SNTG1: variants seen among roughly 807,000 people sequenced by gnomAD.
SNTG1 encodes the protein syntrophin gamma 1, also known as gamma-1-syntrophin.
In SNTG1, 39 loss-of-function variants were observed where a neutral mutation model predicts 74.7. That is an observed-to-expected ratio of 0.52 (90% CI 0.40 to 0.68). SNTG1 has a LOEUF of 0.68. Ranked by LOEUF, SNTG1 falls within the 30% of genes least tolerant of loss-of-function variation. The pLI is 0.00. For missense variants in SNTG1, 685 were observed against 609.5 expected, an observed-to-expected ratio of 1.12 and a Z score of -1.30; for synonymous variants, 254 against 217.1, an observed-to-expected ratio of 1.17 and a Z score of -1.49.
At chr8:50,228,327 T>A (rs1162849846) in intron 2 of SNTG1, among the ~76,000 whole-genome samples, 3 of 151,982 alleles carry the variant, frequency 2.0e-5, no homozygotes, top group Non-Finnish European at 4.4e-5. Context: ...GTATGTGGAC[T>A]ACCTTACAAA....
chr8:50,002,985 G>A (rs1014157708), intron 1 of SNTG1, among the ~76,000 whole-genome samples: 2 of 152,150 alleles, frequency 1.3e-5, no homozygotes, highest in South Asian at 4.1e-4. Context: ...CTAAGTGAAA[G>A]AAGCAAGTCA....
intron 8 of SNTG1, among the ~76,000 whole-genome samples, chr8:50,457,707 C>T (rs544595814): frequency 1.3e-5 from 2 of 152,134 alleles, no homozygotes; most frequent in Non-Finnish European, 2.9e-5. Flanking sequence ...GCCAAAGCCG[C>T]CATCCAGCAA....
intron 2 of SNTG1, among the ~76,000 whole-genome samples, chr8:50,270,284 C>A (rs1167842769): frequency 6.6e-6 from 1 of 152,040 alleles, no homozygotes; most frequent in Non-Finnish European, 1.5e-5. Context: ...TGGGGCCACA[C>A]AGAGATGAAA....
chr8:50,204,358 AATT>A (rs1489613889), intron 2 of SNTG1, among the ~76,000 whole-genome samples: 1 of 152,064 alleles, frequency 6.6e-6, no homozygotes, highest in Non-Finnish European at 1.5e-5. Flanking sequence ...TCTGGGCATG[AATT>A]ATGTTCCAAG....
At chr8:50,102,698 A>G (rs1433422249) in intron 1 of SNTG1, among the ~76,000 whole-genome samples, 3 of 151,192 alleles carry the variant, frequency 2.0e-5, no homozygotes, top group African/African-American at 7.4e-5. Flanking sequence ...TTTAGGTCTA[A>G]CGTTTAAATC....
At chr8:50,229,588 G>A (rs1196006401) in intron 2 of SNTG1, among the ~76,000 whole-genome samples, 1 of 151,408 alleles carries the variant, frequency 6.6e-6, no homozygotes, top group Non-Finnish European at 1.5e-5. Flanking sequence ...AAATTTGTGA[G>A]GCAAAACTTG....
chr8:50,526,318 G>A (rs963183815), intron 9 of SNTG1, among the ~76,000 whole-genome samples: 3 of 152,114 alleles, frequency 2.0e-5, no homozygotes, highest in Admixed American at 2.0e-4. Flanking sequence ...TTCCACTCTA[G>A]AGAGTGGCTG....
intron 1 of SNTG1, among the ~76,000 whole-genome samples, chr8:49,979,294 C>T (rs2130104289): frequency 6.6e-6 from 1 of 152,280 alleles, no homozygotes; most frequent in East Asian, 1.9e-4. Flanking sequence ...CCGCCGCCTG[C>T]CCCGCGCCAC....
chr8:50,320,574 A>T (rs1198874782), intron 2 of SNTG1, among the ~76,000 whole-genome samples: 3 of 150,146 alleles, frequency 2.0e-5, no homozygotes. Flanking sequence ...TGTTCTGTTG[A>T]CATTTCTAGT....
intron 1 of SNTG1, among the ~76,000 whole-genome samples, chr8:50,073,916 G>C (rs1177101193): frequency 6.7e-6 from 1 of 149,804 alleles, no homozygotes; most frequent in East Asian, 1.9e-4. Flanking sequence ...GTCCGGCTTT[G>C]TTGTTCCATT....
chr8:50,573,046 T>A (rs1263168341), intron 12 of SNTG1, among the ~76,000 whole-genome samples: 1 of 152,080 alleles, frequency 6.6e-6, no homozygotes, highest in Admixed American at 6.5e-5. Flanking sequence ...AATTAAAAAA[T>A]TGGTATCGTT....
At chr8:50,742,895 A>C (rs539223237) in intron 17 of SNTG1, among the ~76,000 whole-genome samples, 10 of 151,898 alleles carry the variant, frequency 6.6e-5, no homozygotes, top group Non-Finnish European at 1.5e-4. Flanking sequence ...TTTTATGAGC[A>C]ATTGCATTTC....
Position 49,948,008 on chromosome 8 carries a change from A to G in SNTG1, c.-103+35777A>G, listed in dbSNP as rs570289233. The stretch of plus-strand genomic sequence containing the variant: ...TAGCTGGTTATGGTGTCAGGAGCCT[A>G]TAATCCCAGTTACTCAGGAAACTGA... On this transcript the variant is annotated intron_variant, in intron 1 of 18. Coordinates refer to ENST00000642720, the MANE Select transcript of SNTG1 (RefSeq NM_018967.5). 4.6e-5 allele frequency among the ~76,000 whole-genome samples: 7 copies of G among 152,148 alleles called. No individual in the cohort carries two copies. The East Asian group carries it at 1.4e-3, about 30-fold the overall frequency.
At chr8:50,702,005 C>G (rs2095427762) in intron 15 of SNTG1, among the ~76,000 whole-genome samples, 1 of 151,864 alleles carries the variant, frequency 6.6e-6, no homozygotes, top group Non-Finnish European at 1.5e-5. Flanking sequence ...GATGCACCAC[C>G]ATGTCCGGCT....
At chr8:50,436,036 CTGACCGAGTTTTCCTCATGGCCAATTAT>C (rs2093298778) in intron 4 of SNTG1, among the ~76,000 whole-genome samples, 2 of 152,150 alleles carry the variant, frequency 1.3e-5, no homozygotes, top group Non-Finnish European at 2.9e-5. Context: ...GCAGCAATTA[CTGACCGAGTTTTCCTCATGGCCAATTAT>C]TGCTAGGCAA....
At chr8:50,216,565 T>G (rs1178936193) in intron 2 of SNTG1, among the ~76,000 whole-genome samples, 1 of 152,146 alleles carries the variant, frequency 6.6e-6, no homozygotes, top group Non-Finnish European at 1.5e-5. Context: ...TATAAATTAC[T>G]TAGACAAATT....
intron 1 of SNTG1, among the ~76,000 whole-genome samples, chr8:50,042,841 C>T (rs1818757629): frequency 6.6e-6 from 1 of 152,056 alleles, no homozygotes; most frequent in South Asian, 2.1e-4. Flanking sequence ...TAGTGATCCT[C>T]CCACCTTAGC....
At chr8:49,948,073 G>A (rs1809368004) in intron 1 of SNTG1, among the ~76,000 whole-genome samples, 1 of 152,142 alleles carries the variant, frequency 6.6e-6, no homozygotes, top group Non-Finnish European at 1.5e-5. Context: ...AGAGGTTGCA[G>A]TGAGCTGAGA....
intron 2 of SNTG1, among the ~76,000 whole-genome samples, chr8:50,186,722 T>A (rs2083398948): frequency 6.6e-6 from 1 of 152,052 alleles, no homozygotes; most frequent in African/African-American, 2.4e-5. Flanking sequence ...TTGATGGGGT[T>A]GTTTTGTTTT....
Sources: allele counts gnomAD v4.1 joint callset (sites outside exome capture counted in the v4.1 genomes callset), GRCh38; gene constraint gnomAD v4.1.1; transcripts MANE v1.5; gene names NCBI Gene and HGNC (gene_info 2026-07-23, HGNC 2026-07-21).